Variants in TRIM7 observed in about 807,000 individuals in gnomAD.
TRIM7 encodes the protein tripartite motif containing 7.
TRIM7 carries 32 observed loss-of-function variants against 37.9 expected under a neutral mutation model. The ratio of observed to expected loss-of-function variants is 0.84; its 90% CI spans 0.64 to 1.13. The LOEUF (loss-of-function observed/expected upper bound fraction) is 1.13, where lower values mean the gene tolerates loss of function less well. Ranked by LOEUF, TRIM7 falls within the 50% of genes most tolerant of loss-of-function variation. TRIM7 has a pLI of 0.00. For missense variants in TRIM7, 732 were observed against 714.0 expected (o/e 1.03, Z -0.29); for synonymous variants, 351 against 321.3 (o/e 1.09, Z -0.99).
In TRIM7 at chr5:181,204,642, C is replaced by T. The variant is rs1276936413; in HGVS notation, c.469G>A (p.Glu157Lys). Residue 157 changes from glutamate to lysine, a missense_variant, in exon 1 of 7, where the codon GAG becomes AAG. Physicochemically the swap from Glu to Lys is moderately conservative, Grantham distance 56. Transcript: ENST00000274773. ...AICVVCDRAR[E>K]HREHAVLPLD... Reference sequence around the variant, plus strand: ...GGCAGCACGGCGTGCTCGCGGTGCTCGCGGGCGCGGTCGCACACCACGCAG... The same window carrying T: ...GGCAGCACGGCGTGCTCGCGGTGCTTGCGGGCGCGGTCGCACACCACGCAG... The T allele has an allele frequency of 6.7e-7, 1 of 1,492,686 alleles. No individual in the cohort carries two copies. The highest frequency in any genetic ancestry group is 8.8e-7 in the Non-Finnish European group (1 of 1,133,128). The allele number at this position is 1,492,686 out of a possible 1,614,324, so 92.5% of individuals were successfully genotyped here.
chr5:181,200,076 CTGTT>C lies in TRIM7; in HGVS notation c.620_623del (p.Lys207ArgfsTer16). The C allele has an allele frequency of 6.2e-7, 1 of 1,614,246 alleles. No homozygotes were observed. The highest frequency in any genetic ancestry group is 8.5e-7 in the Non-Finnish European group (1 of 1,180,052). ...CCACCTTCTCCTGCTCCGCTGCCAT[CTGTT>C]TCTGTCCCAGGAGGAGAAGTTGGAG... On this transcript the variant is annotated frameshift_variant and splice_region_variant, in exon 3 of 7. Coordinates refer to ENST00000274773, the MANE Select transcript of TRIM7 (RefSeq NM_203293.3). LOFTEE classifies it high-confidence loss of function.
rs1265078022 is a variant in TRIM7 at position 181,194,722 on chromosome 5, C to T, written c.*444G>A. The T allele has an allele frequency of 1.3e-5, 2 of 156,554 alleles. No homozygotes were observed. The highest frequency in any genetic ancestry group is 2.8e-5 in the Non-Finnish European group (2 of 71,168). The allele number at this position is 156,554 out of a possible 1,614,324, so 9.7% of individuals were successfully genotyped here. On this transcript the variant is annotated 3_prime_UTR_variant, in exon 7 of 7. Coordinates refer to ENST00000274773, the MANE Select transcript of TRIM7 (RefSeq NM_203293.3). ...TGGATCCAGAGGTCCCACAACCTCTCAAGGCAGAGCTGGCAGCTGTCCAGA... is the reference window on the plus strand; with the variant it reads ...TGGATCCAGAGGTCCCACAACCTCTTAAGGCAGAGCTGGCAGCTGTCCAGA...
At position 181,195,158 on chromosome 5, in the gene TRIM7, A is replaced by G; in HGVS notation, c.*8T>C. On this transcript the variant is annotated 3_prime_UTR_variant, in exon 7 of 7. Coordinates refer to ENST00000274773, the MANE Select transcript of TRIM7 (RefSeq NM_203293.3). Reference sequence around the variant, plus strand: ...AGCCCAGAGACAGGAGCTCCCCAGCAGTGCCCCTCAAGGCCAGATTCGCAA... The same window carrying G: ...AGCCCAGAGACAGGAGCTCCCCAGCGGTGCCCCTCAAGGCCAGATTCGCAA... The G allele has an allele frequency of 6.3e-7, 1 of 1,585,166 alleles. No homozygotes were observed. Among genetic ancestry groups the G allele is most frequent in the East Asian group, 2.2e-5 (1 of 44,534 alleles).
intron 2 of TRIM7, chr5:181,202,193 T>G (rs1281648650): frequency 6.6e-6 from 1 of 152,510 alleles, no homozygotes; most frequent in Non-Finnish European, 1.5e-5. Context: ...TTTTTTTTTT[T>G]TTTGAGATGG....
chr5:181,201,649 C>G (rs373310913), intron 2 of TRIM7, among the ~76,000 whole-genome samples: 1 of 152,192 alleles, frequency 6.6e-6, no homozygotes, highest in East Asian at 1.9e-4. Context: ...CACCTGTAGT[C>G]CCAGCTACTC....
In TRIM7 at chr5:181,204,906, T is replaced by G. The variant is rs1438092437; in HGVS notation, c.205A>C (p.Thr69Pro). ...GGCAGTGGGAAGGGGGGCGCGCGGG[T>G]GGCGGCCCCAACAGACCCCGCGCCC... is the stretch of plus-strand genomic sequence containing the variant. The part of the protein sequence containing the change: ...RPGAGSVGAA[T>P]RAPPFPLPCP... Residue 69 changes from threonine to proline, a missense_variant, in exon 1 of 7, where the codon ACC becomes CCC. Transcript: ENST00000274773. The G allele has an allele frequency of 1.5e-6, 2 of 1,371,312 alleles. No individual in the cohort carries two copies. Among genetic ancestry groups the G allele is most frequent in the Non-Finnish European group, 1.9e-6 (2 of 1,071,690 alleles). The allele number at this position is 1,371,312 out of a possible 1,614,324, so 84.9% of individuals were successfully genotyped here.
chr5:181,203,873 G>A (rs1030302031), intron 1 of TRIM7: 3 of 1,303,624 alleles, frequency 2.3e-6, no homozygotes, highest in Non-Finnish European at 2.9e-6. Context: ...CACAAGCTCC[G>A]GCAGCCCTAC....
intron 3 of TRIM7, 165 bp downstream of exon 3, chr5:181,199,686 T>C (rs404560): frequency 0.28 from 330,172 of 1,160,490 alleles, 56,781 homozygotes; most frequent in African/African-American, 0.78. Flanking sequence ...TTTTCACATC[T>C]CTCTAGACCT....
rs758444100 is a variant in TRIM7 at position 181,199,048 on chromosome 5, G to A, written c.872+47C>T. On this transcript the variant is annotated intron_variant, in intron 4 of 6. Coordinates refer to ENST00000274773, the MANE Select transcript of TRIM7 (RefSeq NM_203293.3). The stretch of plus-strand genomic sequence containing the variant: ...GAATAAAGACAAGGCTCAGTGAAAA[G>A]GGAAGAAGCAACTTAGAGAGGCCCC... 3.1e-6 allele frequency: 5 copies of A among 1,612,522 alleles called. No homozygotes were observed. The Admixed American group carries it at 6.7e-5, about 21-fold the overall frequency.
chr5:181,195,327 A>G lies in TRIM7; in HGVS notation c.1375T>C (p.Ser459Pro). 6.3e-7 allele frequency: 1 copy of G among 1,592,112 alleles called. No individual in the cohort carries two copies. Among genetic ancestry groups the G allele is most frequent in the Non-Finnish European group, 8.5e-7 (1 of 1,169,872 alleles). Residue 459 changes from serine to proline, a missense_variant, in exon 7 of 7, where the codon TCG becomes CCG. Physicochemically the swap from Ser to Pro is moderately conservative, Grantham distance 74 (BLOSUM62 -1). Coordinates refer to ENST00000274773, the MANE Select transcript of TRIM7 (RefSeq NM_203293.3). ...AGGTCCAGGGCCACCCGCACGCGCG[A>G]CAGGTGCCCGCAGCTGAGGGGCGAC... ...ERSPLSCGHL[S>P]RVRVALDLEV...
In TRIM7 at chr5:181,204,894, G is replaced by A. The variant is rs2770946; in HGVS notation, c.217C>T (p.Pro73Ser). 0.035 allele frequency: 48,021 copies of A among 1,369,636 alleles called. 6,596 individuals are homozygous for A. In the African/African-American group the frequency reaches 0.44, roughly 12 times the overall value. The allele number at this position is 1,369,636 out of a possible 1,614,324, so 84.8% of individuals were successfully genotyped here. A position where few individuals can be genotyped will look rare whatever the true frequency, so the allele number is the denominator to read the frequency against. The change falls in exon 1 of 7, where the codon CCC becomes TCC. Residue 73 changes from proline to serine, a missense_variant. Transcript: ENST00000274773. Reference sequence around the variant, plus strand: ...CACTGCGGACAGGGCAGTGGGAAGGGGGGCGCGCGGGTGGCGGCCCCAACA... The same window carrying A: ...CACTGCGGACAGGGCAGTGGGAAGGAGGGCGCGCGGGTGGCGGCCCCAACA... ...GSVGAATRAPPFPLPCPQCRE... is the reference protein window; with the variant it reads ...GSVGAATRAPSFPLPCPQCRE...
intron 3 of TRIM7, 178 bp from the exon 4 acceptor site, chr5:181,199,295 T>C: frequency 1.5e-6 from 1 of 682,038 alleles, no homozygotes; most frequent in Non-Finnish European, 2.6e-6. Flanking sequence ...CTGCAGGGTG[T>C]CTCACCCACG....
chr5:181,204,601 C>A lies in TRIM7; in HGVS notation c.510G>T (p.Val170=), dbSNP rs1187667316. ...GGGCTGCGCTCACCTTGGCCTCCTG[C>A]ACCGCCTCGTCCAGCGGCAGCACGG... The part of the protein sequence containing the change: ...EHAVLPLDEA[V]QEAKELLESR... The change falls in exon 1 of 7, where the codon GTG becomes GTT. Residue 170 remains valine (V), a synonymous_variant. Transcript: ENST00000274773. The A allele has an allele frequency of 6.2e-6, 9 of 1,444,374 alleles. No individual in the cohort carries two copies. The highest frequency in any genetic ancestry group is 8.1e-6 in the Non-Finnish European group (9 of 1,109,008). 89.5% of individuals were successfully genotyped at this position (1,444,374 alleles called of 1,614,324 possible).
In TRIM7 at chr5:181,199,865, G is replaced by A. The variant is rs1757364427; in HGVS notation, c.835C>T (p.Leu279Phe). The change falls in exon 3 of 7, where the codon CTT (leucine) becomes TTT (phenylalanine). Residue 279 changes from leucine (L) to phenylalanine (F), a missense_variant. By Grantham distance (22) the Leu-to-Phe change is conservative (BLOSUM62 0). Transcript: ENST00000274773. ...QIQETAQKPD[L>F]DFLQEFKSTL... is the part of the protein sequence containing the mutation. ...GCCAGACTTACCTGGAGAAAGTCAAGGTCAGGCTTTTGAGCTGTCTCCTGG... is the reference window on the plus strand; with the variant it reads ...GCCAGACTTACCTGGAGAAAGTCAAAGTCAGGCTTTTGAGCTGTCTCCTGG... 3.1e-6 allele frequency: 5 copies of A among 1,613,760 alleles called. No homozygotes were observed. The highest frequency in any genetic ancestry group is 1.3e-5 in the African/African-American group (1 of 74,920).
chr5:181,203,235 G>C lies in TRIM7; in HGVS notation c.618+310C>G, dbSNP rs1440937836. 2.5e-6 allele frequency: 3 copies of C among 1,179,824 alleles called. No individual in the cohort carries two copies. In the African/African-American group the frequency reaches 4.7e-5, roughly 19 times the overall value. 73.1% of individuals were successfully genotyped at this position (1,179,824 alleles called of 1,614,324 possible). A position where few individuals can be genotyped will look rare whatever the true frequency, so the allele number is the denominator to read the frequency against. On this transcript the variant is annotated intron_variant, in intron 2 of 6. Coordinates refer to ENST00000274773, the MANE Select transcript of TRIM7 (RefSeq NM_203293.3). Reference sequence around the variant, plus strand: ...GAAATAGTAATGTGTTCCATTACAAGATGCTTCCGCAGGCCCTAACTGGTA... The same window carrying C: ...GAAATAGTAATGTGTTCCATTACAACATGCTTCCGCAGGCCCTAACTGGTA...
intron 6 of TRIM7, 42 bp downstream of exon 6, chr5:181,198,141 G>A: frequency 1.9e-6 from 3 of 1,610,812 alleles, no homozygotes; most frequent in Non-Finnish European, 2.5e-6. Context: ...GGATCTCTGT[G>A]TGGCAGACAG....
At chr5:181,198,654 G>T (rs372866184) in intron 5 of TRIM7, 36 bp downstream of exon 5, 13 of 1,451,406 alleles carry the variant, frequency 9.0e-6, no homozygotes, top group Non-Finnish European at 1.3e-5. Context: ...CACCACCACC[G>T]CACTATGTGG....
intron 2 of TRIM7, among the ~76,000 whole-genome samples, chr5:181,201,804 A>T (rs1408444118): frequency 6.6e-6 from 1 of 152,198 alleles, no homozygotes; most frequent in African/African-American, 2.4e-5. Flanking sequence ...CAGAGGTGGA[A>T]GGTGTTAAGC....
At chr5:181,204,431 C>T in intron 1 of TRIM7, 158 bp downstream of exon 1, 1 of 1,160,428 alleles carries the variant, frequency 8.6e-7, no homozygotes, top group Non-Finnish European at 1.1e-6. Context: ...CGCGCTCAGC[C>T]CGGGAACCAG....
Sources: gnomAD v4.1 joint callset for allele counts (sites outside exome capture counted in the v4.1 genomes callset) on GRCh38, gnomAD v4.1.1 for gene constraint, MANE v1.5 for transcripts, NCBI Gene and HGNC (gene_info 2026-07-23, HGNC 2026-07-21) for gene names.